TMPRSS11E: variants seen among roughly 807,000 people sequenced by gnomAD.
TMPRSS11E encodes transmembrane protease serine 11E.
In TMPRSS11E, 38 loss-of-function variants were observed where a neutral mutation model predicts 48.1. The observed-to-expected ratio is 0.79, with a 90% CI of 0.61 to 1.04. TMPRSS11E has a LOEUF of 1.04. Ranked by LOEUF, TMPRSS11E falls within the 50% of genes least tolerant of loss-of-function variation. TMPRSS11E has a pLI of 0.00. For missense variants in TMPRSS11E, 530 were observed against 510.8 expected (o/e 1.04, Z -0.36); for synonymous variants, 158 against 171.9 (o/e 0.92, Z 0.63).
rs778782609 is a variant in TMPRSS11E, at chr4:68,471,561, A to G, written c.428A>G (p.His143Arg). 6 of 1,611,458 alleles carry G rather than the reference A, an allele frequency of 3.7e-6. No homozygotes were observed. The South Asian group carries it at 4.4e-5, about 12-fold the overall frequency. ...TVDKIVQLVL[H>R]EKLQDAVGPP... is the part of the protein sequence containing the mutation. ...GATAAAATTGTTCAACTTGTTTTACATGAAAAGCTGCAAGATGCTGTAGGA... is the reference window on the plus strand; with the variant it reads ...GATAAAATTGTTCAACTTGTTTTACGTGAAAAGCTGCAAGATGCTGTAGGA... The change falls in exon 5 of 10, where the codon CAT becomes CGT. Residue 143 changes from histidine (H) to arginine (R), a missense_variant. By Grantham distance (29) the His-to-Arg change is conservative. Coordinates refer to ENST00000305363, the MANE Select transcript of TMPRSS11E (RefSeq NM_014058.4).
At chr4:68,479,542 A>C (rs1729348697) in intron 9 of TMPRSS11E, among the ~76,000 whole-genome samples, 1 of 149,710 alleles carries the variant, frequency 6.7e-6, no homozygotes, top group Admixed American at 6.7e-5. Flanking sequence ...GTGTATTGAA[A>C]TTTTACTAGT....
At chr4:68,480,995 T>C (rs1169582723) in intron 9 of TMPRSS11E, among the ~76,000 whole-genome samples, 6 of 152,126 alleles carry the variant, frequency 3.9e-5, no homozygotes, top group Non-Finnish European at 7.4e-5. Flanking sequence ...GTATTGTTCC[T>C]CTCTTTGTGT....
In TMPRSS11E at chr4:68,470,697, G is replaced by GT. The variant is rs1157744446; in HGVS notation, c.327-761dup. Among the ~76,000 whole-genome samples, 4 of 151,812 alleles carry GT rather than the reference G, an allele frequency of 2.6e-5. No homozygotes were observed. The East Asian group carries it at 7.7e-4, about 29-fold the overall frequency. On this transcript the variant is annotated intron_variant, in intron 4 of 9. Coordinates refer to ENST00000305363, the MANE Select transcript of TMPRSS11E (RefSeq NM_014058.4). ...TGGTTGATGCAATATATAGTGAAGA[G>GT]TTAGATTCAGAAGTGACTATGAAAA...
intron 1 of TMPRSS11E, among the ~76,000 whole-genome samples, chr4:68,450,146 G>A (rs1028967570): frequency 6.6e-6 from 1 of 151,870 alleles, no homozygotes; most frequent in African/African-American, 2.4e-5. Flanking sequence ...ATATGGTTGT[G>A]TTATAAGTAT....
intron 9 of TMPRSS11E, among the ~76,000 whole-genome samples, chr4:68,480,651 T>A (rs1170622677): frequency 6.6e-6 from 1 of 152,284 alleles, no homozygotes; most frequent in South Asian, 2.1e-4. Flanking sequence ...GATTGCCTTT[T>A]CTCATTCAAG....
intron 1 of TMPRSS11E, among the ~76,000 whole-genome samples, chr4:68,460,090 GC>G (rs1270418624): frequency 6.6e-6 from 1 of 152,144 alleles, no homozygotes; most frequent in Admixed American, 6.6e-5. Context: ...CCTGGTTACG[GC>G]CCCGTGGAAA....
At chr4:68,455,667 C>A (rs1233103822) in intron 1 of TMPRSS11E, among the ~76,000 whole-genome samples, 1 of 151,922 alleles carries the variant, frequency 6.6e-6, no homozygotes, top group Non-Finnish European at 1.5e-5. Flanking sequence ...GTTTCTCAAT[C>A]ATTTTTCTTC....
chr4:68,473,414 T>C (rs1729126881), intron 5 of TMPRSS11E, among the ~76,000 whole-genome samples: 1 of 152,116 alleles, frequency 6.6e-6, no homozygotes, highest in Non-Finnish European at 1.5e-5. Context: ...CACACTTACC[T>C]TGTACTTGCT....
chr4:68,466,761 C>T lies in TMPRSS11E; in HGVS notation c.258+9C>T. 1 of 1,613,226 alleles carries T rather than the reference C, an allele frequency of 6.2e-7. No homozygotes were observed. The highest frequency in any genetic ancestry group is 8.5e-7 in the Non-Finnish European group (1 of 1,179,490). On this transcript the variant is annotated intron_variant, in intron 3 of 9. Coordinates refer to ENST00000305363, the MANE Select transcript of TMPRSS11E (RefSeq NM_014058.4). ...AGAGACTTGAATCAATGGTAAGCAACTTGTCATCTACTTCTAGTGCATTTG... is the reference window on the plus strand; with the variant it reads ...AGAGACTTGAATCAATGGTAAGCAATTTGTCATCTACTTCTAGTGCATTTG...
Position 68,474,734 on chromosome 4 carries a change from A to G in TMPRSS11E, c.502A>G (p.Thr168Ala), listed in dbSNP as rs1308899528. The G allele has an allele frequency of 1.9e-6, 3 of 1,605,706 alleles. No individual in the cohort carries two copies. The African/African-American group carries it at 4.0e-5, about 22-fold the overall frequency. The change falls in exon 6 of 10, where the codon ACA becomes GCA. Residue 168 changes from threonine to alanine, a missense_variant. Transcript: ENST00000305363. ...TCTGTGTGTTTCAGAAATCAACAAG[A>G]CAGAAACAGACAGCTATCTAAACCA... ...HSVKIKKINK[T>A]ETDSYLNHCC...
rs984499318 is a variant in TMPRSS11E, at chr4:68,457,091, A to C, written c.12-4730A>C. Among the ~76,000 whole-genome samples, 106 of 152,300 alleles carry C rather than the reference A, an allele frequency of 7.0e-4. 1 individual carries two copies. Among genetic ancestry groups the C allele is most frequent in the African/African-American group, 2.4e-3 (99 of 41,580 alleles). On this transcript the variant is annotated intron_variant, in intron 1 of 9. Transcript: ENST00000305363. Reference sequence around the variant, plus strand: ...AAACTAAAGAGCCTCTGCACAACAAAAGAAACTATCATCAGAGTGAACAGG... The same window carrying C: ...AAACTAAAGAGCCTCTGCACAACAACAGAAACTATCATCAGAGTGAACAGG...
intron 2 of TMPRSS11E, 50 bp downstream of exon 2, chr4:68,461,995 C>T (rs772808528): frequency 2.5e-6 from 4 of 1,608,274 alleles, no homozygotes; most frequent in East Asian, 2.2e-5. Context: ...AATATTTCCT[C>T]ATACCTTGCT....
chr4:68,493,212 G>A (rs924793789), intron 9 of TMPRSS11E, among the ~76,000 whole-genome samples: 3 of 151,718 alleles, frequency 2.0e-5, no homozygotes, highest in Non-Finnish European at 2.9e-5. Context: ...ACAACTCATG[G>A]CCAACCTTAC....
chr4:68,462,041 A>G (rs901182309), intron 2 of TMPRSS11E, 96 bp downstream of exon 2: 49 of 1,483,308 alleles, frequency 3.3e-5, no homozygotes, highest in Non-Finnish European at 4.3e-5. Flanking sequence ...ATTTATCACT[A>G]CGATTCATTT....
chr4:68,492,780 G>T (rs1284531679), intron 9 of TMPRSS11E, among the ~76,000 whole-genome samples: 1 of 152,030 alleles, frequency 6.6e-6, no homozygotes, highest in African/African-American at 2.4e-5. Flanking sequence ...TAAGAACAAG[G>T]ACTCAACAGT....
intron 9 of TMPRSS11E, among the ~76,000 whole-genome samples, chr4:68,490,751 C>CTT (rs1158277585): frequency 0.21 from 14,400 of 69,128 alleles, 3,459 homozygotes; most frequent in East Asian, 0.62. Context: ...TCAGCATATT[C>CTT]TTTTTTTTTT....
At chr4:68,490,687 T>C (rs1342180724) in intron 9 of TMPRSS11E, among the ~76,000 whole-genome samples, 1 of 151,568 alleles carries the variant, frequency 6.6e-6, no homozygotes, top group Non-Finnish European at 1.5e-5. Flanking sequence ...GACATGGTTC[T>C]AGTAGATGGG....
At chr4:68,476,492 G>T in intron 7 of TMPRSS11E, 54 bp downstream of exon 7, 2 of 1,522,530 alleles carry the variant, frequency 1.3e-6, no homozygotes, top group Non-Finnish European at 1.8e-6. Flanking sequence ...ACTGGGTTTT[G>T]GCAAGAAAAT....
intron 9 of TMPRSS11E, among the ~76,000 whole-genome samples, chr4:68,492,677 TTAA>T (rs1393363566): frequency 3.3e-5 from 5 of 152,166 alleles, no homozygotes; most frequent in African/African-American, 1.2e-4. Flanking sequence ...TAGAACGTCT[TTAA>T]ACAGAAACAC....
Sources: allele counts gnomAD v4.1 joint callset (sites outside exome capture counted in the v4.1 genomes callset), GRCh38; gene constraint gnomAD v4.1.1; transcripts MANE v1.5; gene names NCBI Gene and HGNC (gene_info 2026-07-23, HGNC 2026-07-21).